Variants in ITPR2 observed in about 807,000 individuals in gnomAD.
ITPR2 encodes inositol 1,4,5-trisphosphate-gated calcium channel ITPR2.
Under a neutral mutation model 317.1 loss-of-function variants are expected in ITPR2, and 207 were observed. The observed-to-expected ratio is 0.65, with a 90% CI of 0.58 to 0.73. The LOEUF is 0.73. ITPR2 is among the 30% of genes least tolerant of loss of function. The pLI is 0.00. For synonymous variants in ITPR2, 1,156 were observed against 1,149.1 expected, an observed-to-expected ratio of 1.01 and a Z score of -0.12; for missense variants, 2,613 against 3,284.0, an observed-to-expected ratio of 0.80 and a Z score of 4.99.
chr12:26,522,157 TATAA>T (rs1458875560), intron 37 of ITPR2, among the ~76,000 whole-genome samples: 1 of 152,238 alleles, frequency 6.6e-6, no homozygotes, highest in African/African-American at 2.4e-5. Flanking sequence ...CACTATATAG[TATAA>T]ATACTCGAAA....
In ITPR2 at chr12:26,475,359, C is replaced by T; in HGVS notation, c.6279G>A (p.Glu2093=). ...QGLECDHGDD[E]GGDDGVSPKD... ...TTGGAGAAACACCATCATCTCCACCCTCATCATCCCCATGGTCACATTCCA... is the reference window on the plus strand; with the variant it reads ...TTGGAGAAACACCATCATCTCCACCTTCATCATCCCCATGGTCACATTCCA... Residue 2093 remains glutamate (E), a synonymous_variant, in exon 45 of 57, where the codon GAG becomes GAA. Coordinates refer to ENST00000381340, the MANE Select transcript of ITPR2 (RefSeq NM_002223.4). The T allele has an allele frequency of 6.2e-7, 1 of 1,613,556 alleles. No homozygotes were observed. Among genetic ancestry groups the T allele is most frequent in the Non-Finnish European group, 8.5e-7 (1 of 1,179,534 alleles).
At chr12:26,485,057 C>G (rs949482882) in intron 41 of ITPR2, among the ~76,000 whole-genome samples, 2 of 145,902 alleles carry the variant, frequency 1.4e-5, no homozygotes, top group Admixed American at 1.3e-4. Context: ...TTTACCTGCA[C>G]AGTTCGATAT....
chr12:26,474,775 C>T (rs1942374396), intron 45 of ITPR2, among the ~76,000 whole-genome samples: 1 of 110,714 alleles, frequency 9.0e-6, no homozygotes, highest in African/African-American at 3.5e-5. Context: ...GCCTGGGCGA[C>T]AGAGCGAGAC....
chr12:26,500,731 C>A lies in ITPR2; in HGVS notation c.5074-5471G>T, dbSNP rs191818131. On this transcript the variant is annotated intron_variant, in intron 37 of 56. Coordinates refer to ENST00000381340, the MANE Select transcript of ITPR2 (RefSeq NM_002223.4). ...CCACCCACTCCCTGTTACACCGAGT[C>A]CAATGCATCAAAAATTAAAAAGTTC... is the stretch of plus-strand genomic sequence containing the variant. Among the ~76,000 whole-genome samples, 3 of 152,206 alleles carry A rather than the reference C, an allele frequency of 2.0e-5. No homozygotes were observed. The South Asian group carries it at 6.2e-4, about 32-fold the overall frequency.
intron 54 of ITPR2, among the ~76,000 whole-genome samples, chr12:26,393,474 G>A (rs748181932): frequency 9.9e-5 from 15 of 151,100 alleles, no homozygotes; most frequent in Non-Finnish European, 2.1e-4. Flanking sequence ...GGTCCTTTAA[G>A]GGAAGGGAGC....
intron 2 of ITPR2, among the ~76,000 whole-genome samples, chr12:26,782,050 A>AGAGAGAGT (rs1299046209): frequency 1.0e-4 from 8 of 76,616 alleles, no homozygotes; most frequent in African/African-American, 4.0e-4. Flanking sequence ...AGAGAGAGAG[A>AGAGAGAGT]GAGAGAGAGA....
intron 51 of ITPR2, among the ~76,000 whole-genome samples, chr12:26,414,050 T>TATATACACACAC (rs1555121665): frequency 7.2e-6 from 1 of 138,114 alleles, no homozygotes; most frequent in Non-Finnish European, 1.5e-5. Flanking sequence ...TGTATATATG[T>TATATACACACAC]ACACACACAC....
intron 55 of ITPR2, 108 bp from the exon 56 acceptor site, chr12:26,340,436 A>C: frequency 8.6e-7 from 1 of 1,160,640 alleles, no homozygotes; most frequent in Non-Finnish European, 1.1e-6. Context: ...TAGCACTCAA[A>C]TTGGAGAGAG....
intron 54 of ITPR2, among the ~76,000 whole-genome samples, chr12:26,393,030 T>TC (rs1939894444): frequency 6.6e-6 from 1 of 152,234 alleles, no homozygotes; most frequent in East Asian, 1.9e-4. Context: ...TCTGGATCAC[T>TC]AGCTATTGTT....
chr12:26,807,425 A>C (rs1399329771), intron 1 of ITPR2, among the ~76,000 whole-genome samples: 1 of 152,178 alleles, frequency 6.6e-6, no homozygotes, highest in Non-Finnish European at 1.5e-5. Flanking sequence ...TTATGAACCC[A>C]GCCAAGCACA....
Position 26,338,136 on chromosome 12 carries a change from A to C in ITPR2, c.*1261T>G, listed in dbSNP as rs1270323919. 1 of 152,228 alleles carries C rather than the reference A, an allele frequency of 6.6e-6. No homozygotes were observed. The highest frequency in any genetic ancestry group is 2.4e-5 in the African/African-American group (1 of 41,422). The allele number at this position is 152,228 out of a possible 1,614,324, so 9.4% of individuals were successfully genotyped here. ...GTATCAAGTGTCTTCACTCCCTGTC[A>C]CATCACTTTTTTCCCAACACTTTCA... On this transcript the variant is annotated 3_prime_UTR_variant, in exon 57 of 57. Coordinates refer to ENST00000381340, the MANE Select transcript of ITPR2 (RefSeq NM_002223.4).
intron 22 of ITPR2, among the ~76,000 whole-genome samples, chr12:26,628,698 G>A (rs1208389552): frequency 6.6e-6 from 1 of 152,128 alleles, no homozygotes; most frequent in Non-Finnish European, 1.5e-5. Context: ...TGCTGTCATT[G>A]TTCTCATTCA....
chr12:26,484,173 G>A (rs1037413156), intron 41 of ITPR2, among the ~76,000 whole-genome samples: 4 of 150,282 alleles, frequency 2.7e-5, no homozygotes, highest in African/African-American at 9.8e-5. Context: ...ATACATATAT[G>A]TGTATATATA....
At position 26,338,755 on chromosome 12, in the gene ITPR2, C is replaced by T. The variant is rs1938007016; in HGVS notation, c.*642G>A. 6.6e-6 allele frequency: 1 copy of T among 152,174 alleles called. No individual in the cohort carries two copies. Among genetic ancestry groups the T allele is most frequent in the African/African-American group, 2.4e-5 (1 of 41,456 alleles). The allele number at this position is 152,174 out of a possible 1,614,324, so 9.4% of individuals were successfully genotyped here. A position where few individuals can be genotyped will look rare whatever the true frequency, so the allele number is the denominator to read the frequency against. The stretch of plus-strand genomic sequence containing the variant: ...GAGCCTGTCTGAATCCCAGAGAAGG[C>T]AATCACATCCTGTTATGTTGTCAGT... On this transcript the variant is annotated 3_prime_UTR_variant, in exon 57 of 57. Coordinates refer to ENST00000381340, the MANE Select transcript of ITPR2 (RefSeq NM_002223.4).
At chr12:26,486,906 G>A (rs527433193) in intron 40 of ITPR2, 162 bp downstream of exon 40, 32 of 743,668 alleles carry the variant, frequency 4.3e-5, no homozygotes, top group Admixed American at 5.9e-5. Flanking sequence ...CTGCAGAGCC[G>A]TTTTAGGGTC....
At chr12:26,540,332 G>A (rs1233738734) in intron 37 of ITPR2, among the ~76,000 whole-genome samples, 3 of 152,184 alleles carry the variant, frequency 2.0e-5, no homozygotes, top group African/African-American at 7.2e-5. Flanking sequence ...AACTAAATGG[G>A]AAATACTTCC....
chr12:26,558,037 C>T (rs1228490826), intron 35 of ITPR2, among the ~76,000 whole-genome samples: 1 of 152,122 alleles, frequency 6.6e-6, no homozygotes, highest in Non-Finnish European at 1.5e-5. Context: ...TTAATTCTTT[C>T]TCTTTCTGAA....
chr12:26,756,713 G>A (rs1406301617), intron 2 of ITPR2, among the ~76,000 whole-genome samples: 5 of 152,158 alleles, frequency 3.3e-5, no homozygotes, highest in African/African-American at 1.2e-4. Context: ...TCAGCCTGAA[G>A]AAGTTACAGA....
intron 21 of ITPR2, among the ~76,000 whole-genome samples, chr12:26,638,035 A>G (rs142921119): frequency 1.3e-5 from 2 of 152,352 alleles, no homozygotes; most frequent in Non-Finnish European, 2.9e-5. Flanking sequence ...TAATGTTATT[A>G]TCCATCTTTT....
Sources: allele counts gnomAD v4.1 joint callset (sites outside exome capture counted in the v4.1 genomes callset), GRCh38; gene constraint gnomAD v4.1.1; transcripts MANE v1.5; gene names NCBI Gene and HGNC (gene_info 2026-07-23, HGNC 2026-07-21).